Variants in SRD5A2 observed in about 807,000 individuals in gnomAD.
SRD5A2 encodes steroid 5 alpha-reductase 2.
A neutral mutation model predicts 27.4 loss-of-function variants in SRD5A2; 30 were observed. The observed-to-expected ratio is 1.10, with a 90% CI of 0.82 to 1.49. SRD5A2 has a LOEUF of 1.49. SRD5A2 is among the 40% of genes most tolerant of loss of function. SRD5A2 has a pLI of 0.00. For synonymous variants in SRD5A2, 141 were observed against 133.6 expected (o/e 1.06, Z -0.38); for missense variants, 348 against 323.4 (o/e 1.08, Z -0.58).
chr2:31,523,681 T>C lies in SRD5A2; in HGVS notation c.*2515A>G, dbSNP rs1665707572. ...TAGAGTATCTTGTGAGCTAGGACAC[T>C]GTTAGATTATTTTAGCCAAAAAACA... is the stretch of plus-strand genomic sequence containing the variant. On this transcript the variant is annotated 3_prime_UTR_variant, in exon 5 of 5. Coordinates refer to ENST00000622030, the MANE Select transcript of SRD5A2 (RefSeq NM_000348.4). 9.0e-6 allele frequency: 2 copies of C among 221,208 alleles called. No individual in the cohort carries two copies. Among genetic ancestry groups the C allele is most frequent in the Admixed American group, 1.2e-4 (2 of 17,378 alleles). The allele number at this position is 221,208 out of a possible 1,614,324, so 13.7% of individuals were successfully genotyped here.
the SRD5A2 span, among the ~76,000 whole-genome samples, chr2:31,636,289 T>C: frequency 6.6e-6 from 1 of 152,106 alleles, no homozygotes; most frequent in Non-Finnish European, 1.5e-5. Flanking sequence ...TTTTATATTT[T>C]TATAGCTGTC....
At chr2:31,632,493 A>G in the SRD5A2 span, among the ~76,000 whole-genome samples, 2 of 152,216 alleles carry the variant, frequency 1.3e-5, no homozygotes, top group Non-Finnish European at 2.9e-5. Context: ...CAGATGATTC[A>G]GCAGCAGGAC....
chr2:31,627,432 G>GT, the SRD5A2 span, among the ~76,000 whole-genome samples: 67,108 of 144,176 alleles, frequency 0.47, 14,967 homozygotes, highest in Admixed American at 0.48. Context: ...TTTTGTACGG[G>GT]GGTGTGTGTG....
Position 31,529,463 on chromosome 2 carries a change from T to G in SRD5A2, c.548-6A>C, listed in dbSNP as rs756730322. On this transcript the variant is annotated splice_polypyrimidine_tract_variant and splice_region_variant and intron_variant, in intron 3 of 4. Coordinates refer to ENST00000622030, the MANE Select transcript of SRD5A2 (RefSeq NM_000348.4). ...AACATACGTAAACAAGCCACCTGCGTGCAGAAGAATCGGAAGGTCAATCAT... is the reference window on the plus strand; with the variant it reads ...AACATACGTAAACAAGCCACCTGCGGGCAGAAGAATCGGAAGGTCAATCAT... 1.2e-6 allele frequency: 2 copies of G among 1,611,282 alleles called. No homozygotes were observed. The highest frequency in any genetic ancestry group is 3.4e-5 in the Admixed American group (2 of 59,698).
chr2:31,660,143 T>C, the SRD5A2 span, among the ~76,000 whole-genome samples: 5 of 152,204 alleles, frequency 3.3e-5, no homozygotes, highest in African/African-American at 1.2e-4. Flanking sequence ...AAAGTGGTCA[T>C]AGAGAATGTT....
chr2:31,604,905 A>G, the SRD5A2 span, among the ~76,000 whole-genome samples: 3 of 151,950 alleles, frequency 2.0e-5, no homozygotes, highest in African/African-American at 7.2e-5. Context: ...TAAAAATTAT[A>G]CTACAGAGGT....
chr2:31,611,244 T>C, the SRD5A2 span, among the ~76,000 whole-genome samples: 1 of 152,190 alleles, frequency 6.6e-6, no homozygotes, highest in Non-Finnish European at 1.5e-5. Flanking sequence ...AAGCTATCCA[T>C]ACTGAGTCCT....
In SRD5A2 at chr2:31,528,860, T is replaced by C. The variant is rs28383071; in HGVS notation, c.698+447A>G. Among the ~76,000 whole-genome samples the C allele has an allele frequency of 3.4e-3, 511 of 152,180 alleles. 3 individuals carry two copies. Among genetic ancestry groups the C allele is most frequent in the Non-Finnish European group, 5.0e-3 (338 of 67,988 alleles). On this transcript the variant is annotated intron_variant, in intron 4 of 4. Transcript: ENST00000622030. ...CACCTCTGGAGCACACTTCCAGAAA[T>C]GTGGTGGGAGGGGATGAAACTGAAG... is the stretch of plus-strand genomic sequence containing the variant.
chr2:31,598,624 T>C, the SRD5A2 span, among the ~76,000 whole-genome samples: 2 of 151,918 alleles, frequency 1.3e-5, no homozygotes, highest in African/African-American at 4.8e-5. Flanking sequence ...TATCTGGTAG[T>C]ATTTGCAAGC....
chr2:31,542,574 C>T (rs2148072980), intron 1 of SRD5A2, among the ~76,000 whole-genome samples: 1 of 152,050 alleles, frequency 6.6e-6, no homozygotes, highest in Admixed American at 6.5e-5. Context: ...ATGTATAAAA[C>T]AAAATGACAA....
intron 1 of SRD5A2, among the ~76,000 whole-genome samples, chr2:31,573,215 C>T (rs1035719761): frequency 7.9e-5 from 12 of 152,168 alleles, no homozygotes; most frequent in Non-Finnish European, 1.3e-4. Context: ...CAGGGATTGC[C>T]TCAAGGACAA....
intron 1 of SRD5A2, among the ~76,000 whole-genome samples, chr2:31,541,249 C>T (rs997010297): frequency 3.3e-5 from 5 of 151,322 alleles, no homozygotes; most frequent in African/African-American, 1.2e-4. Context: ...TATAAACAAA[C>T]AAAACAATAA....
At chr2:31,547,227 T>C (rs1244427413) in intron 1 of SRD5A2, among the ~76,000 whole-genome samples, 1 of 152,196 alleles carries the variant, frequency 6.6e-6, no homozygotes, top group African/African-American at 2.4e-5. Context: ...ACAAGGGTGC[T>C]ATGATGGTTG....
At chr2:31,630,190 C>T in the SRD5A2 span, among the ~76,000 whole-genome samples, 1 of 152,180 alleles carries the variant, frequency 6.6e-6, no homozygotes. Flanking sequence ...GCTCCTTGGC[C>T]AGGGCCTTAG....
At chr2:31,624,119 G>C in the SRD5A2 span, among the ~76,000 whole-genome samples, 1 of 151,832 alleles carries the variant, frequency 6.6e-6, no homozygotes, top group Non-Finnish European at 1.5e-5. Context: ...GTAAATAATA[G>C]GTGTATATAT....
At chr2:31,592,839 C>A in the SRD5A2 span, among the ~76,000 whole-genome samples, 1 of 152,282 alleles carries the variant, frequency 6.6e-6, no homozygotes, top group South Asian at 2.1e-4. Context: ...AAGAATAAGT[C>A]TTTGAATTAC....
the SRD5A2 span, among the ~76,000 whole-genome samples, chr2:31,650,834 C>T: frequency 1.6e-4 from 24 of 152,268 alleles, no homozygotes; most frequent in East Asian, 3.1e-3. Context: ...CACACCATCT[C>T]ACAGGTGAGA....
chr2:31,646,907 G>A, the SRD5A2 span, among the ~76,000 whole-genome samples: 2 of 152,174 alleles, frequency 1.3e-5, no homozygotes, highest in Admixed American at 1.3e-4. Flanking sequence ...AACACTTTGG[G>A]AGGTCAAGGC....
intron 1 of SRD5A2, among the ~76,000 whole-genome samples, chr2:31,571,674 G>A (rs568259140): frequency 2.0e-5 from 3 of 152,168 alleles, no homozygotes; most frequent in African/African-American, 7.2e-5. Flanking sequence ...TAATTTACAA[G>A]CAAAAACCAA....
Sources: allele counts gnomAD v4.1 joint callset (sites outside exome capture counted in the v4.1 genomes callset), GRCh38; gene constraint gnomAD v4.1.1; transcripts MANE v1.5; gene names NCBI Gene and HGNC (gene_info 2026-07-23, HGNC 2026-07-21).